The following BCR variants were observed in gnomAD, a reference collection of about 807,000 sequenced individuals.
BCR encodes BCR activator of RhoGEF and GTPase, also known as breakpoint cluster region protein.
A neutral mutation model predicts 138.6 loss-of-function variants in BCR; 58 were observed. That is an observed-to-expected ratio of 0.42 (90% CI 0.34 to 0.52). The LOEUF is 0.52. BCR is among the 20% of genes least tolerant of loss of function. The pLI, the probability that BCR is intolerant of heterozygous loss-of-function variation, is 0.06. For synonymous variants in BCR, 786 were observed against 730.1 expected, an observed-to-expected ratio of 1.08 and a Z score of -1.23; for missense variants, 1,599 against 1,727.2, an observed-to-expected ratio of 0.93 and a Z score of 1.32.
chr22:23,200,798 G>A (rs531709860), intron 1 of BCR, among the ~76,000 whole-genome samples: 6 of 152,196 alleles, frequency 3.9e-5, no homozygotes, highest in South Asian at 2.1e-4. Context: ...GGGCTCAAGC[G>A]ATCCACCCGC....
chr22:23,309,277 C>G (rs1396012991), intron 16 of BCR, 147 bp from the exon 17 acceptor site: 12 of 759,314 alleles, frequency 1.6e-5, no homozygotes, highest in East Asian at 5.4e-5. Flanking sequence ...CTTACTCTAC[C>G]TCTGTTGGCC....
chr22:23,269,564 G>A (rs1568965063), intron 5 of BCR, among the ~76,000 whole-genome samples: 1 of 152,304 alleles, frequency 6.6e-6, no homozygotes, highest in Non-Finnish European at 1.5e-5. Flanking sequence ...TCGCTCTGAT[G>A]TCTCCAGTGG....
chr22:23,253,884 C>T lies in BCR; in HGVS notation c.1365C>T (p.Tyr455=). Residue 455 remains tyrosine, a synonymous_variant, in exon 2 of 23, where the codon TAC becomes TAT. Transcript: ENST00000305877. The part of the protein sequence containing the change: ...EQRRHQDGLP[Y]IDDSPSSSPH... ...GCCGGCACCAAGATGGGCTGCCCTACATTGATGACTCGCCCTCCTCATCGC... is the reference window on the plus strand; with the variant it reads ...GCCGGCACCAAGATGGGCTGCCCTATATTGATGACTCGCCCTCCTCATCGC... 6.2e-7 allele frequency: 1 copy of T among 1,613,260 alleles called. No individual in the cohort carries two copies. The highest frequency in any genetic ancestry group is 8.5e-7 in the Non-Finnish European group (1 of 1,179,996).
Position 23,181,266 on chromosome 22 carries a change from CG to C in BCR, c.307del (p.Asp103ThrfsTer76). 1 of 1,258,440 alleles carries C rather than the reference CG, an allele frequency of 7.9e-7. No individual in the cohort carries two copies. The highest frequency in any genetic ancestry group is 3.2e-5 in the South Asian group (1 of 31,484). The allele number at this position is 1,258,440 out of a possible 1,614,324, so 78.0% of individuals were successfully genotyped here. A position where few individuals can be genotyped will look rare whatever the true frequency, so the allele number is the denominator to read the frequency against. ...CGTCGCGCCCGCAGCCAGCGCCCGCCGACGGAGCCGACCCGCCGCCCGCCGA... is the reference window on the plus strand; with the variant it reads ...CGTCGCGCCCGCAGCCAGCGCCCGCCACGGAGCCGACCCGCCGCCCGCCGA... ...SASRPQPAPA[D>X]GADPPPAEEP... On this transcript the variant is annotated frameshift_variant, in exon 1 of 23. Transcript: ENST00000305877. LOFTEE classifies it high-confidence loss of function.
intron 1 of BCR, among the ~76,000 whole-genome samples, chr22:23,195,266 CA>C (rs964142633): frequency 2.7e-5 from 4 of 150,558 alleles, no homozygotes; most frequent in African/African-American, 9.8e-5. Context: ...ACTAAAAATA[CA>C]AAATTAGCTG....
intron 16 of BCR, among the ~76,000 whole-genome samples, chr22:23,295,729 T>C (rs2073838092): frequency 6.6e-6 from 1 of 152,022 alleles, no homozygotes; most frequent in African/African-American, 2.4e-5. Flanking sequence ...GGGCCCTGGT[T>C]CTTAAGGAGA....
intron 1 of BCR, among the ~76,000 whole-genome samples, chr22:23,185,119 G>C (rs570323620): frequency 6.6e-6 from 1 of 152,286 alleles, no homozygotes; most frequent in South Asian, 2.1e-4. Context: ...GGGCTCATCT[G>C]TCGCCCTGGG....
chr22:23,301,708 C>G (rs1441036991), intron 16 of BCR, among the ~76,000 whole-genome samples: 1 of 152,242 alleles, frequency 6.6e-6, no homozygotes, highest in Non-Finnish European at 1.5e-5. Flanking sequence ...TTTCCAGCTT[C>G]TCTGATCTAG....
intron 16 of BCR, among the ~76,000 whole-genome samples, chr22:23,303,408 G>C (rs2073924027): frequency 6.6e-6 from 1 of 152,224 alleles, no homozygotes; most frequent in Admixed American, 6.5e-5. Flanking sequence ...AGGATTATCT[G>C]AGGGCCACGT....
In BCR at chr22:23,261,376, G is replaced by T. The variant is rs372400075; in HGVS notation, c.1588G>T (p.Ala530Ser). ...CCAGCCCATGAAGCCTTTGAAAGCC[G>T]CTGCCACCACCTCTCAGCCGGTGCT... ...LLLPMKPLKA[A>S]ATTSQPVLTS... Residue 530 changes from alanine (A) to serine (S), a missense_variant, in exon 4 of 23, where the codon GCT becomes TCT. Ala to Ser is a moderately conservative substitution (Grantham distance 99). Coordinates refer to ENST00000305877, the MANE Select transcript of BCR (RefSeq NM_004327.4). The T allele has an allele frequency of 1.2e-6, 2 of 1,612,528 alleles. No individual in the cohort carries two copies. The highest frequency in any genetic ancestry group is 2.7e-5 in the African/African-American group (2 of 74,846).
At chr22:23,254,541 A>G (rs374009949) in intron 2 of BCR, 15 of 518,366 alleles carry the variant, frequency 2.9e-5, no homozygotes, top group African/African-American at 2.5e-4. Flanking sequence ...ATGCTCTGCC[A>G]TGCCCTCCAA....
chr22:23,202,679 C>T (rs2072566722), intron 1 of BCR, among the ~76,000 whole-genome samples: 1 of 151,592 alleles, frequency 6.6e-6, no homozygotes, highest in Non-Finnish European at 1.5e-5. Context: ...TACTGTGTTT[C>T]AGAACCCCTT....
chr22:23,214,593 T>G (rs2072728034), intron 1 of BCR, among the ~76,000 whole-genome samples: 1 of 152,170 alleles, frequency 6.6e-6, no homozygotes, highest in South Asian at 2.1e-4. Context: ...CCTCCCAGGG[T>G]AGGGACGGGG....
intron 13 of BCR, chr22:23,290,082 C>T (rs968301351): frequency 1.8e-6 from 1 of 564,622 alleles, no homozygotes. Flanking sequence ...CACCCCGACC[C>T]CCTCTGCTGT....
Position 23,180,685 on chromosome 22 carries a change from G to C in BCR, c.-276G>C, listed in dbSNP as rs987519870. 6.6e-6 allele frequency: 1 copy of C among 151,304 alleles called. No homozygotes were observed. Among genetic ancestry groups the C allele is most frequent in the Admixed American group, 6.7e-5 (1 of 14,934 alleles). 9.4% of individuals were successfully genotyped at this position (151,304 alleles called of 1,614,324 possible). On this transcript the variant is annotated 5_prime_UTR_variant, in exon 1 of 23. Transcript: ENST00000305877. ...TCTGGCGGCGGCCTGGCGGAGCGGA[G>C]AGCAGCGCCCGCGCCTCGCCGTGCG...
chr22:23,188,870 A>AT (rs2072380212), intron 1 of BCR, among the ~76,000 whole-genome samples: 1 of 151,802 alleles, frequency 6.6e-6, no homozygotes, highest in African/African-American at 2.4e-5. Context: ...TTCATGTTAT[A>AT]TTTTTTATTT....
At chr22:23,212,449 A>G (rs974711826) in intron 1 of BCR, among the ~76,000 whole-genome samples, 1 of 152,318 alleles carries the variant, frequency 6.6e-6, no homozygotes, top group East Asian at 1.9e-4. Context: ...GGGCCTTAAC[A>G]GGGAGTACAC....
intron 1 of BCR, among the ~76,000 whole-genome samples, chr22:23,251,585 C>G (rs1189828095): frequency 1.3e-5 from 2 of 152,254 alleles, no homozygotes; most frequent in Admixed American, 6.5e-5. Context: ...GTGGAAAGGA[C>G]TGACAACAGT....
chr22:23,244,667 A>G (rs1362739653), intron 1 of BCR, among the ~76,000 whole-genome samples: 1 of 152,242 alleles, frequency 6.6e-6, no homozygotes, highest in Non-Finnish European at 1.5e-5. Context: ...TACCCAGCAC[A>G]GTGTCCTGCA....
Sources: allele counts gnomAD v4.1 joint callset (sites outside exome capture counted in the v4.1 genomes callset), GRCh38; gene constraint gnomAD v4.1.1; transcripts MANE v1.5; gene names NCBI Gene and HGNC (gene_info 2026-07-23, HGNC 2026-07-21).